ADGRL2: variants seen among roughly 807,000 people sequenced by gnomAD.
The protein encoded by ADGRL2 is adhesion G protein-coupled receptor L2.
Under a neutral mutation model 157.4 loss-of-function variants are expected in ADGRL2, and 44 were observed. The ratio of observed to expected loss-of-function variants is 0.28; its 90% CI spans 0.22 to 0.36. The LOEUF is 0.36. Ranked by LOEUF, ADGRL2 falls within the 10% of genes least tolerant of loss-of-function variation. The pLI, the probability that ADGRL2 is intolerant of heterozygous loss-of-function variation, is 1.00. For synonymous variants in ADGRL2, 585 were observed against 624.7 expected (o/e 0.94, Z 0.95); for missense variants, 1,510 against 1,768.9 (o/e 0.85, Z 2.63).
intron 2 of ADGRL2, among the ~76,000 whole-genome samples, chr1:81,785,242 C>T (rs2086989440): frequency 6.6e-6 from 1 of 151,608 alleles, no homozygotes; most frequent in Non-Finnish European, 1.5e-5. Flanking sequence ...GTTTGTGTGC[C>T]CTAAGACAAA....
intron 2 of ADGRL2, among the ~76,000 whole-genome samples, chr1:81,900,543 A>T (rs1408146566): frequency 2.0e-5 from 3 of 152,146 alleles, no homozygotes; most frequent in African/African-American, 2.4e-5. Flanking sequence ...GGGAAAAAAA[A>T]AAATGGGGAA....
At position 81,787,473 on chromosome 1, in the gene ADGRL2, G is replaced by C. The variant is rs149656643; in HGVS notation, c.-101+25621G>C. On this transcript the variant is annotated intron_variant, in intron 2 of 20. Transcript: ENST00000359929. ...AGTTTCAGACCAGCCTGGACAGCAT[G>C]GTGAAACCCTATCTCTACCGAAAAT... Among the ~76,000 whole-genome samples, 515 of 152,024 alleles carry C rather than the reference G, an allele frequency of 3.4e-3. 3 individuals are homozygous for C. The highest frequency in any genetic ancestry group is 0.011 in the African/African-American group (455 of 41,460).
intron 3 of ADGRL2, among the ~76,000 whole-genome samples, chr1:81,634,994 G>GT (rs1465956799): frequency 6.6e-6 from 1 of 152,088 alleles, no homozygotes; most frequent in African/African-American, 2.4e-5. Flanking sequence ...ACCTCCACAG[G>GT]TGCAACCTAG....
chr1:81,839,955 A>ATAT (rs1164786609), intron 2 of ADGRL2, among the ~76,000 whole-genome samples: 14 of 109,962 alleles, frequency 1.3e-4, no homozygotes, highest in South Asian at 8.8e-4. Context: ...TATATATATA[A>ATAT]ATACACACAA....
intron 1 of ADGRL2, among the ~76,000 whole-genome samples, chr1:81,382,743 T>C (rs2076364834): frequency 6.6e-6 from 1 of 152,142 alleles, no homozygotes; most frequent in Non-Finnish European, 1.5e-5. Flanking sequence ...ATTGATACAA[T>C]TGGTCTTATC....
At chr1:81,753,679 G>A (rs974929740) in intron 1 of ADGRL2, among the ~76,000 whole-genome samples, 4 of 151,984 alleles carry the variant, frequency 2.6e-5, no homozygotes, top group African/African-American at 4.8e-5. Flanking sequence ...TTGTCAATTC[G>A]GAATTTAAAT....
chr1:81,496,407 TCA>T (rs1006258425), intron 2 of ADGRL2, among the ~76,000 whole-genome samples: 10 of 152,164 alleles, frequency 6.6e-5, no homozygotes, highest in African/African-American at 2.4e-4. Context: ...ACAGTTTCTG[TCA>T]CACACAAAAG....
chr1:81,556,605 G>C (rs563761729), intron 2 of ADGRL2, among the ~76,000 whole-genome samples: 32 of 150,700 alleles, frequency 2.1e-4, no homozygotes, highest in Middle Eastern at 3.4e-3. Context: ...TCTAAACTTT[G>C]CTAAAGACCA....
chr1:81,864,712 A>G (rs1278247561), intron 2 of ADGRL2, among the ~76,000 whole-genome samples: 1 of 152,190 alleles, frequency 6.6e-6, no homozygotes, highest in East Asian at 1.9e-4. Flanking sequence ...CTGTAATCCC[A>G]GCACTTTGGG....
intron 3 of ADGRL2, among the ~76,000 whole-genome samples, chr1:81,915,815 T>C (rs2148500675): frequency 6.6e-6 from 1 of 152,288 alleles, no homozygotes; most frequent in Non-Finnish European, 1.5e-5. Flanking sequence ...AACGTGAACA[T>C]TTCATTTGAC....
chr1:81,573,843 G>GTCTTA (rs1281179799), intron 2 of ADGRL2, among the ~76,000 whole-genome samples: 3 of 152,218 alleles, frequency 2.0e-5, no homozygotes, highest in South Asian at 4.1e-4. Context: ...GATCTACCAA[G>GTCTTA]TCTTATTTTA....
chr1:81,966,040 A>T lies in ADGRL2; in HGVS notation c.2018-18A>T. On this transcript the variant is annotated intron_variant, in intron 11 of 23. Transcript: ENST00000686636. ...GAATCCTTTTTTCCCCACCTCCTTT[A>T]TCTTTTCCCTCATCCAGTCCTGGAA... is the stretch of plus-strand genomic sequence containing the variant. 3 of 1,612,924 alleles carry T rather than the reference A, an allele frequency of 1.9e-6. No individual in the cohort carries two copies. Among genetic ancestry groups the T allele is most frequent in the Non-Finnish European group, 8.5e-7 (1 of 1,179,302 alleles).
chr1:81,619,889 G>C (rs1237571492), intron 3 of ADGRL2, among the ~76,000 whole-genome samples: 1 of 151,988 alleles, frequency 6.6e-6, no homozygotes, highest in Non-Finnish European at 1.5e-5. Flanking sequence ...TTTACCAGGT[G>C]TGTGACCTTG....
In ADGRL2 at chr1:81,850,365, T is replaced by A. The variant is rs181045330; in HGVS notation, c.73+13308T>A. ...CCCCTTCTTTCAGTTTTTGAATATC[T>A]ACAACATGTGAGTCATTGTCTTTTC... On this transcript the variant is annotated intron_variant, in intron 2 of 23. Coordinates refer to ENST00000686636, the MANE Select transcript of ADGRL2 (RefSeq NM_001366006.2). 4.6e-5 allele frequency among the ~76,000 whole-genome samples: 7 copies of A among 152,066 alleles called. No individual in the cohort carries two copies. The East Asian group carries it at 7.7e-4, about 17-fold the overall frequency.
chr1:81,521,822 A>G (rs2079322862), intron 2 of ADGRL2, among the ~76,000 whole-genome samples: 1 of 152,218 alleles, frequency 6.6e-6, no homozygotes, highest in African/African-American at 2.4e-5. Context: ...TTGGTTGAGT[A>G]TACAAAATAC....
At position 81,731,980 on chromosome 1, in the gene ADGRL2, G is replaced by A. The variant is rs374826927; in HGVS notation, c.-142-29831G>A. ...ATCCAAACATTGTTCCAATGCTCTC[G>A]CTATCCACAGAGACTAGAGTATCAC... On this transcript the variant is annotated intron_variant, in intron 1 of 20. Transcript: ENST00000359929. 1.2e-4 allele frequency among the ~76,000 whole-genome samples: 19 copies of A among 152,218 alleles called. No homozygotes were observed. In the East Asian group the frequency reaches 1.4e-3, roughly 11 times the overall value.
At position 81,874,106 on chromosome 1, in the gene ADGRL2, T is replaced by C. The variant is rs1224826290; in HGVS notation, c.74-32911T>C. Among the ~76,000 whole-genome samples, 3 of 152,146 alleles carry C rather than the reference T, an allele frequency of 2.0e-5. No homozygotes were observed. The East Asian group carries it at 5.8e-4, about 29-fold the overall frequency. On this transcript the variant is annotated intron_variant, in intron 2 of 23. Transcript: ENST00000686636. ...ATCACAAAATCATGATTTGTTTTGG[T>C]TGGGTAGCTACTCCAACATTCTTTC...
At chr1:81,828,528 C>T (rs1478157769) in intron 1 of ADGRL2, among the ~76,000 whole-genome samples, 1 of 152,052 alleles carries the variant, frequency 6.6e-6, no homozygotes, top group Middle Eastern at 3.4e-3. Flanking sequence ...TGCAAAAATA[C>T]ATTAGTCTGT....
intron 2 of ADGRL2, among the ~76,000 whole-genome samples, chr1:81,844,055 T>G (rs1372586120): frequency 6.6e-6 from 1 of 152,208 alleles, no homozygotes; most frequent in Non-Finnish European, 1.5e-5. Context: ...ATTGCGTGGC[T>G]GTTTAATTTC....
Sources: allele counts gnomAD v4.1 joint callset (sites outside exome capture counted in the v4.1 genomes callset), GRCh38; gene constraint gnomAD v4.1.1; transcripts MANE v1.5; gene names NCBI Gene and HGNC (gene_info 2026-07-23, HGNC 2026-07-21).